The following ERC2 variants were observed in gnomAD, a reference collection of about 807,000 sequenced individuals.
ERC2 encodes the protein ELKS/RAB6-interacting/CAST family member 2, also known as ERC protein 2.
In ERC2, 42 loss-of-function variants were observed where a neutral mutation model predicts 114.8. That is an observed-to-expected ratio of 0.37 (90% confidence interval 0.29 to 0.47). The LOEUF (loss-of-function observed/expected upper bound fraction) is 0.47. ERC2 is among the 20% of genes least tolerant of loss of function. The probability of loss-of-function intolerance (pLI) is 0.99; values close to 1 mark genes in which losing one functional copy is unlikely to be tolerated. For synonymous variants in ERC2, 454 were observed against 425.5 expected (o/e 1.07, Z -0.82); for missense variants, 939 against 1,150.7 (o/e 0.82, Z 2.66).
At chr3:55,874,039 T>A (rs533209244) in intron 14 of ERC2, among the ~76,000 whole-genome samples, 1 of 152,322 alleles carries the variant, frequency 6.6e-6, no homozygotes, top group South Asian at 2.1e-4. Context: ...ACTGAATCCA[T>A]GAGAAGGAGC....
At chr3:55,843,037 T>A (rs1268639784) in intron 14 of ERC2, among the ~76,000 whole-genome samples, 1 of 152,324 alleles carries the variant, frequency 6.6e-6, no homozygotes, top group Non-Finnish European at 1.5e-5. Context: ...CCTTCTATAA[T>A]TACGGACATT....
chr3:56,331,102 T>C (rs1009560434), intron 2 of ERC2, among the ~76,000 whole-genome samples: 7 of 152,220 alleles, frequency 4.6e-5, no homozygotes, highest in African/African-American at 1.7e-4. Flanking sequence ...TAGGCTCCTG[T>C]AGACCCTCTT....
At chr3:56,025,958 T>G (rs1055616621) in intron 7 of ERC2, among the ~76,000 whole-genome samples, 8 of 152,142 alleles carry the variant, frequency 5.3e-5, no homozygotes, top group African/African-American at 1.9e-4. Flanking sequence ...GTGTAACATT[T>G]TAATATGGCC....
chr3:55,886,522 A>G (rs544370318), intron 14 of ERC2, among the ~76,000 whole-genome samples: 1 of 152,350 alleles, frequency 6.6e-6, no homozygotes, highest in Admixed American at 6.5e-5. Context: ...TTGTATATAG[A>G]CATTATAAAA....
intron 14 of ERC2, among the ~76,000 whole-genome samples, chr3:55,867,985 G>A (rs1489182791): frequency 6.6e-6 from 1 of 152,008 alleles, no homozygotes; most frequent in African/African-American, 2.4e-5. Flanking sequence ...AAAATACCTA[G>A]CACTACTAGA....
At chr3:55,601,139 T>C (rs1159033868) in intron 17 of ERC2, among the ~76,000 whole-genome samples, 2 of 152,044 alleles carry the variant, frequency 1.3e-5, no homozygotes, top group Non-Finnish European at 2.9e-5. Context: ...ACAAAGGAGA[T>C]TGCTGGGGCA....
chr3:55,510,371 C>T lies in ERC2; in HGVS notation c.*945G>A, dbSNP rs2051996799. 1 of 152,276 alleles carries T rather than the reference C, an allele frequency of 6.6e-6. No homozygotes were observed. The highest frequency in any genetic ancestry group is 1.5e-5 in the Non-Finnish European group (1 of 68,026). 9.4% of individuals were successfully genotyped at this position (152,276 alleles called of 1,614,324 possible). ...AAATGTGAATGAGTCCCAGCTTCTT[C>T]ATGGAGACCTGCATGCACCGGGATG... On this transcript the variant is annotated 3_prime_UTR_variant, in exon 18 of 18. Transcript: ENST00000288221.
chr3:55,717,498 A>C (rs1281357807), intron 15 of ERC2, among the ~76,000 whole-genome samples: 1 of 152,154 alleles, frequency 6.6e-6, no homozygotes, highest in Admixed American at 6.5e-5. Context: ...GGTCCAGGGA[A>C]GCTTTCATGC....
intron 14 of ERC2, among the ~76,000 whole-genome samples, chr3:55,836,265 C>T (rs377161442): frequency 1.6e-4 from 25 of 152,180 alleles, no homozygotes; most frequent in Admixed American, 9.8e-4. Context: ...TTAAAGTTCA[C>T]ATGGAACCAA....
At chr3:55,978,646 A>G (rs1008628185) in intron 12 of ERC2, among the ~76,000 whole-genome samples, 3 of 152,180 alleles carry the variant, frequency 2.0e-5, no homozygotes, top group Non-Finnish European at 4.4e-5. Context: ...GTGCATCTCA[A>G]CCACATGCAC....
At chr3:56,162,814 C>G (rs896689296) in intron 4 of ERC2, among the ~76,000 whole-genome samples, 1 of 151,954 alleles carries the variant, frequency 6.6e-6, no homozygotes, top group African/African-American at 2.4e-5. Context: ...GTTCAAAGAA[C>G]CAATTTTTAG....
chr3:56,200,715 C>CA (rs2048358689), intron 3 of ERC2, among the ~76,000 whole-genome samples: 1 of 152,172 alleles, frequency 6.6e-6, no homozygotes, highest in Non-Finnish European at 1.5e-5. Context: ...TCAAGGATTA[C>CA]ACAAAAGAAG....
At chr3:56,305,023 A>G (rs1249141655) in intron 2 of ERC2, among the ~76,000 whole-genome samples, 1 of 152,188 alleles carries the variant, frequency 6.6e-6, no homozygotes, top group Non-Finnish European at 1.5e-5. Flanking sequence ...GAAAAAAATA[A>G]TAATTCAAAA....
chr3:55,600,469 G>A (rs573542682), intron 17 of ERC2, among the ~76,000 whole-genome samples: 34 of 152,290 alleles, frequency 2.2e-4, no homozygotes, highest in Middle Eastern at 6.8e-3. Context: ...CTCTGTCATC[G>A]TGCAGAAGAT....
At chr3:55,891,446 T>C (rs900106159) in intron 13 of ERC2, among the ~76,000 whole-genome samples, 10 of 94,994 alleles carry the variant, frequency 1.1e-4, no homozygotes, top group Non-Finnish European at 2.3e-4. Flanking sequence ...TATTTTTTTT[T>C]TTTTTTTTTT....
At chr3:56,425,563 T>TTC (rs1415150271) in intron 2 of ERC2, among the ~76,000 whole-genome samples, 209 of 58,622 alleles carry the variant, frequency 3.6e-3, no homozygotes, top group Middle Eastern at 0.011. Flanking sequence ...CCTTTTTCTT[T>TTC]TTTTTTTTTT....
intron 3 of ERC2, among the ~76,000 whole-genome samples, chr3:56,229,759 A>T (rs2050484722): frequency 6.6e-6 from 1 of 152,108 alleles, no homozygotes; most frequent in African/African-American, 2.4e-5. Flanking sequence ...TTGTGCAAGG[A>T]ATTGAAAACA....
At chr3:56,432,897 C>T (rs144574426) in intron 2 of ERC2, among the ~76,000 whole-genome samples, 169 of 152,276 alleles carry the variant, frequency 1.1e-3, no homozygotes, top group African/African-American at 4.0e-3. Context: ...CTTCTATAAG[C>T]ACCAATTAGA....
At chr3:56,016,038 CT>C (rs1381855834) in intron 8 of ERC2, among the ~76,000 whole-genome samples, 1 of 152,108 alleles carries the variant, frequency 6.6e-6, no homozygotes, top group Admixed American at 6.6e-5. Context: ...CTTTTGACCA[CT>C]TGTTAGTGGG....
Sources: allele counts gnomAD v4.1 joint callset (sites outside exome capture counted in the v4.1 genomes callset), GRCh38; gene constraint gnomAD v4.1.1; transcripts MANE v1.5; gene names NCBI Gene and HGNC (gene_info 2026-07-23, HGNC 2026-07-21).